Variants in MSH4 observed in about 807,000 individuals in gnomAD.
The protein encoded by MSH4 is mutS homolog 4, also known as mutS protein homolog 4.
MSH4 carries 106 observed loss-of-function variants against 113.7 expected under a neutral mutation model. The ratio of observed to expected loss-of-function variants is 0.93; its 90% confidence interval spans 0.80 to 1.10. MSH4 has a LOEUF of 1.10. MSH4 is among the 50% of genes least tolerant of loss of function. The pLI is 0.00. For missense variants in MSH4, 1,061 were observed against 1,093.7 expected, an observed-to-expected ratio of 0.97 and a Z score of 0.42; for synonymous variants, 368 against 380.2, an observed-to-expected ratio of 0.97 and a Z score of 0.37.
At chr1:75,810,453 C>T (rs1210077909) in intron 3 of MSH4, among the ~76,000 whole-genome samples, 4 of 140,362 alleles carry the variant, frequency 2.8e-5, no homozygotes, top group South Asian at 2.4e-4. Flanking sequence ...CAGGGTTTCA[C>T]CATGTTGGCC....
chr1:75,888,433 C>G (rs1287338996), intron 15 of MSH4, among the ~76,000 whole-genome samples: 2 of 151,906 alleles, frequency 1.3e-5, no homozygotes, highest in African/African-American at 4.8e-5. Context: ...ACTTCTTGGG[C>G]AGAAACAGTC....
chr1:75,823,284 T>C (rs1314227138), intron 7 of MSH4, among the ~76,000 whole-genome samples: 1 of 152,224 alleles, frequency 6.6e-6, no homozygotes, highest in Non-Finnish European at 1.5e-5. Flanking sequence ...TTTGCAAAGA[T>C]GCAATTTCCA....
chr1:75,880,181 T>C (rs374419000), intron 13 of MSH4, 28 bp downstream of exon 13: 103 of 1,201,562 alleles, frequency 8.6e-5, no homozygotes, highest in Non-Finnish European at 1.2e-4. Context: ...ATTTGAATAT[T>C]GAATTAAATT....
intron 8 of MSH4, among the ~76,000 whole-genome samples, chr1:75,852,266 T>TTATATCCATC (rs1470586802): frequency 3.9e-5 from 6 of 152,352 alleles, no homozygotes; most frequent in Non-Finnish European, 8.8e-5. Context: ...ATAACACATT[T>TTATATCCATC]GGTTTATCAG....
intron 9 of MSH4, among the ~76,000 whole-genome samples, chr1:75,869,027 G>C (rs561541315): frequency 6.6e-6 from 1 of 152,162 alleles, no homozygotes; most frequent in Non-Finnish European, 1.5e-5. Context: ...GGAACAGTTC[G>C]GAGGGCTCAG....
chr1:75,913,072 A>T lies in MSH4; in HGVS notation c.*185A>T, dbSNP rs1361208356. The T allele has an allele frequency of 9.4e-6, 3 of 318,210 alleles. No homozygotes were observed. The highest frequency in any genetic ancestry group is 1.7e-5 in the Non-Finnish European group (3 of 180,018). 19.7% of individuals were successfully genotyped at this position (318,210 alleles called of 1,614,324 possible). ...TATTTATTATAACTTAACAAATGAGAACTACTTAAAGGAATGGTTTTTATG... is the reference window on the plus strand; with the variant it reads ...TATTTATTATAACTTAACAAATGAGTACTACTTAAAGGAATGGTTTTTATG... On this transcript the variant is annotated 3_prime_UTR_variant, in exon 20 of 20. Coordinates refer to ENST00000263187, the MANE Select transcript of MSH4 (RefSeq NM_002440.4).
intron 7 of MSH4, among the ~76,000 whole-genome samples, chr1:75,842,412 A>T (rs34177389): frequency 0.21 from 31,494 of 152,092 alleles, 3,820 homozygotes; most frequent in African/African-American, 0.3. Context: ...CCCAGGCCCC[A>T]AGGAAAGAGA....
chr1:75,900,414 G>C (rs142589899), intron 19 of MSH4, among the ~76,000 whole-genome samples: 1 of 152,050 alleles, frequency 6.6e-6, no homozygotes, highest in East Asian at 1.9e-4. Flanking sequence ...CGATTCTCCT[G>C]TCTCAGTCTC....
intron 14 of MSH4, among the ~76,000 whole-genome samples, chr1:75,882,347 A>G (rs1258880301): frequency 2.6e-5 from 4 of 152,026 alleles, no homozygotes; most frequent in Non-Finnish European, 5.9e-5. Flanking sequence ...CACTTTTATG[A>G]TGAATGTTTT....
At chr1:75,834,551 C>T (rs577633136) in intron 7 of MSH4, among the ~76,000 whole-genome samples, 1 of 152,312 alleles carries the variant, frequency 6.6e-6, no homozygotes, top group East Asian at 1.9e-4. Flanking sequence ...CAATGATAGA[C>T]TGGATTAAGA....
At chr1:75,804,144 A>G (rs1267154233) in intron 2 of MSH4, among the ~76,000 whole-genome samples, 1 of 152,222 alleles carries the variant, frequency 6.6e-6, no homozygotes, top group Non-Finnish European at 1.5e-5. Context: ...CATTCTGACA[A>G]AAAAACACAC....
chr1:75,824,655 G>A lies in MSH4; in HGVS notation c.1162+2074G>A, dbSNP rs527753052. ...TCTTGAGTTAATTTTTGTATAAGGT[G>A]TAAGGAAGGGATCCAGTTTCAGCTT... On this transcript the variant is annotated intron_variant, in intron 7 of 19. Transcript: ENST00000263187. Among the ~76,000 whole-genome samples the A allele has an allele frequency of 2.6e-5, 4 of 152,264 alleles. No individual in the cohort carries two copies. In the East Asian group the frequency reaches 7.7e-4, roughly 29 times the overall value.
Position 75,881,318 on chromosome 1 carries a change from A to C in MSH4, c.1854A>C (p.Ser618=), listed in dbSNP as rs1158795812. Residue 618 remains serine (S), a synonymous_variant, in exon 14 of 20, where the codon TCA becomes TCC. Transcript: ENST00000263187. ...HCLYKLSDTV[S]MLDMLLSFAH... ...TATATAAACTATCTGACACTGTGTC[A>C]ATGCTGGATATGCTACTGTCATTTG... The C allele has an allele frequency of 6.2e-7, 1 of 1,611,978 alleles. No individual in the cohort carries two copies. The highest frequency in any genetic ancestry group is 8.5e-7 in the Non-Finnish European group (1 of 1,178,888).
chr1:75,821,054 C>T (rs993515990), intron 6 of MSH4, among the ~76,000 whole-genome samples: 7 of 151,898 alleles, frequency 4.6e-5, no homozygotes, highest in Non-Finnish European at 7.4e-5. Context: ...ACCAAGCGGA[C>T]GTAATAGACA....
At chr1:75,878,879 T>TA in intron 11 of MSH4, 113 bp from the exon 12 acceptor site, 2 of 933,080 alleles carry the variant, frequency 2.1e-6, no homozygotes, top group Admixed American at 2.8e-5. Context: ...ACCTCCTATT[T>TA]ATGTATAAAA....
At chr1:75,822,052 C>T (rs1304895396) in intron 6 of MSH4, among the ~76,000 whole-genome samples, 2 of 152,138 alleles carry the variant, frequency 1.3e-5, no homozygotes, top group Non-Finnish European at 2.9e-5. Flanking sequence ...GAGGCCAAGG[C>T]AGGCGGATCA....
intron 7 of MSH4, among the ~76,000 whole-genome samples, chr1:75,835,873 G>A (rs898139581): frequency 7.2e-5 from 11 of 152,154 alleles, no homozygotes; most frequent in Middle Eastern, 6.3e-3. Context: ...GACTGCTCTT[G>A]TCAAGGTCAC....
At chr1:75,838,552 T>C (rs1650882637) in intron 7 of MSH4, among the ~76,000 whole-genome samples, 1 of 152,226 alleles carries the variant, frequency 6.6e-6, no homozygotes, top group African/African-American at 2.4e-5. Context: ...CATAAAATCC[T>C]TCAATCTTTT....
At chr1:75,871,545 T>C (rs1244565790) in intron 9 of MSH4, among the ~76,000 whole-genome samples, 1 of 152,178 alleles carries the variant, frequency 6.6e-6, no homozygotes, top group Admixed American at 6.5e-5. Context: ...AAACCATAGT[T>C]CTTATCTGTC....
Sources: gnomAD v4.1 joint callset for allele counts (sites outside exome capture counted in the v4.1 genomes callset) on GRCh38, gnomAD v4.1.1 for gene constraint, MANE v1.5 for transcripts, NCBI Gene and HGNC (gene_info 2026-07-23, HGNC 2026-07-21) for gene names.